The following CTNNA2 variants were observed in gnomAD, a reference collection of about 807,000 sequenced individuals.
CTNNA2 encodes catenin alpha-2.
A neutral mutation model predicts 101.0 loss-of-function variants in CTNNA2; 42 were observed. The observed-to-expected ratio is 0.42, with a 90% CI of 0.32 to 0.54. CTNNA2 has a LOEUF of 0.54. CTNNA2 is among the 20% of genes least tolerant of loss of function. The probability of loss-of-function intolerance (pLI) is 0.14; values close to 1 mark genes in which losing one functional copy is unlikely to be tolerated. For synonymous variants in CTNNA2, 450 were observed against 456.4 expected, an observed-to-expected ratio of 0.99 and a Z score of 0.18; for missense variants, 871 against 1,223.1, an observed-to-expected ratio of 0.71 and a Z score of 4.29.
At chr2:79,477,670 C>A (rs1203613661) in intron 4 of CTNNA2, among the ~76,000 whole-genome samples, 1 of 152,218 alleles carries the variant, frequency 6.6e-6, no homozygotes, top group African/African-American at 2.4e-5. Context: ...AATCTGTCAA[C>A]TTTGATAACT....
At chr2:80,412,456 C>T (rs1679671922) in intron 8 of CTNNA2, among the ~76,000 whole-genome samples, 2 of 152,166 alleles carry the variant, frequency 1.3e-5, no homozygotes, top group African/African-American at 4.8e-5. Flanking sequence ...GAGGAGTAGA[C>T]TACTGTTATT....
intron 9 of CTNNA2, among the ~76,000 whole-genome samples, chr2:80,468,137 T>C (rs1472211445): frequency 2.0e-5 from 3 of 152,222 alleles, no homozygotes; most frequent in African/African-American, 7.2e-5. Flanking sequence ...GGATATTCTC[T>C]GTACCCATAT....
At chr2:80,338,867 G>C (rs1024998764) in intron 7 of CTNNA2, among the ~76,000 whole-genome samples, 1 of 152,146 alleles carries the variant, frequency 6.6e-6, no homozygotes, top group African/African-American at 2.4e-5. Flanking sequence ...GATAGGCCAG[G>C]AGCAAAAGAC....
chr2:80,357,025 A>G (rs980974303), intron 7 of CTNNA2, among the ~76,000 whole-genome samples: 1 of 152,194 alleles, frequency 6.6e-6, no homozygotes, highest in Admixed American at 6.5e-5. Flanking sequence ...AACTTCAGGC[A>G]GGCTAACCAC....
intron 7 of CTNNA2, chr2:80,304,623 C>A (rs1676729513): frequency 1.4e-5 from 2 of 147,798 alleles, no homozygotes; most frequent in South Asian, 4.3e-4. Flanking sequence ...GGGCGGCGGG[C>A]GGCGGGCGGC....
intron 3 of CTNNA2, among the ~76,000 whole-genome samples, chr2:79,789,717 A>C (rs1675124642): frequency 6.6e-6 from 1 of 152,028 alleles, no homozygotes; most frequent in South Asian, 2.1e-4. Flanking sequence ...TGGTGAGTGG[A>C]AATGGGAAGT....
At chr2:79,830,443 C>T (rs1289994519) in intron 3 of CTNNA2, among the ~76,000 whole-genome samples, 1 of 151,964 alleles carries the variant, frequency 6.6e-6, no homozygotes, top group Non-Finnish European at 1.5e-5. Context: ...CCAGTGGATG[C>T]CTAAAAGGAG....
chr2:79,376,123 A>T (rs2104458737), intron 4 of CTNNA2, among the ~76,000 whole-genome samples: 1 of 152,286 alleles, frequency 6.6e-6, no homozygotes, highest in Admixed American at 6.5e-5. Context: ...TAAGCAGAAG[A>T]TGGTAGATGA....
intron 7 of CTNNA2, among the ~76,000 whole-genome samples, chr2:80,023,548 A>T (rs1293649306): frequency 2.6e-5 from 4 of 152,124 alleles, no homozygotes; most frequent in Non-Finnish European, 4.4e-5. Flanking sequence ...AAGTGGTTCT[A>T]TTTCCAAAGT....
intron 9 of CTNNA2, among the ~76,000 whole-genome samples, chr2:80,425,286 A>G (rs1680895323): frequency 6.6e-6 from 1 of 152,194 alleles, no homozygotes; most frequent in South Asian, 2.1e-4. Context: ...AATTCCTGAG[A>G]GGGCTCATTT....
chr2:79,667,557 C>A (rs930085526), intron 2 of CTNNA2, among the ~76,000 whole-genome samples: 1 of 151,958 alleles, frequency 6.6e-6, no homozygotes, highest in Non-Finnish European at 1.5e-5. Context: ...ATTTTTATAC[C>A]TAACACAATC....
chr2:79,395,330 T>C (rs1678217651), intron 4 of CTNNA2, among the ~76,000 whole-genome samples: 1 of 152,078 alleles, frequency 6.6e-6, no homozygotes, highest in Non-Finnish European at 1.5e-5. Flanking sequence ...CATGTTGTTA[T>C]GCTGCACCCA....
At chr2:80,500,265 T>G (rs1687778424) in intron 9 of CTNNA2, among the ~76,000 whole-genome samples, 1 of 152,224 alleles carries the variant, frequency 6.6e-6, no homozygotes, top group South Asian at 2.1e-4. Context: ...GTTTACTCTT[T>G]TTGTTTTGTT....
intron 2 of CTNNA2, among the ~76,000 whole-genome samples, chr2:79,262,979 A>G (rs1674943028): frequency 6.6e-6 from 1 of 152,200 alleles, no homozygotes; most frequent in Non-Finnish European, 1.5e-5. Flanking sequence ...ACATAGTGAA[A>G]GGCTATCTCT....
chr2:80,280,331 C>A (rs1208635124), intron 7 of CTNNA2, among the ~76,000 whole-genome samples: 1 of 150,864 alleles, frequency 6.6e-6, no homozygotes, highest in Admixed American at 6.6e-5. Flanking sequence ...TGACTGTTGA[C>A]CCACTTCCCT....
intron 7 of CTNNA2, among the ~76,000 whole-genome samples, chr2:80,113,341 G>A (rs989602573): frequency 2.6e-5 from 4 of 152,152 alleles, no homozygotes; most frequent in Non-Finnish European, 2.9e-5. Context: ...TTGTATTGAC[G>A]TACATTGAGG....
chr2:79,757,529 T>C (rs916262991), intron 3 of CTNNA2, among the ~76,000 whole-genome samples: 1 of 152,138 alleles, frequency 6.6e-6, no homozygotes, highest in Admixed American at 6.6e-5. Context: ...TAAAGAGGCA[T>C]GCAAGGATAT....
At chr2:79,781,997 C>T (rs2105204687) in intron 3 of CTNNA2, among the ~76,000 whole-genome samples, 1 of 152,126 alleles carries the variant, frequency 6.6e-6, no homozygotes, top group East Asian at 1.9e-4. Context: ...CCTTTTACAC[C>T]TACTCTGTTT....
chr2:80,032,171 A>G (rs1279126470), intron 7 of CTNNA2, among the ~76,000 whole-genome samples: 1 of 151,776 alleles, frequency 6.6e-6, no homozygotes, highest in East Asian at 2.0e-4. Flanking sequence ...AGAGCGGAGG[A>G]CATGAGGAGC....
Sources: allele counts gnomAD v4.1 joint callset (sites outside exome capture counted in the v4.1 genomes callset), GRCh38; gene constraint gnomAD v4.1.1; transcripts MANE v1.5; gene names NCBI Gene and HGNC (gene_info 2026-07-23, HGNC 2026-07-21).